The following DST variants were observed in gnomAD, a reference collection of about 807,000 sequenced individuals.
The protein encoded by DST is bullous pemphigoid antigen.
In DST, 253 loss-of-function variants were observed where a neutral mutation model predicts 875.2. The observed-to-expected ratio is 0.29, with a 90% CI of 0.26 to 0.32. The LOEUF (loss-of-function observed/expected upper bound fraction) is 0.32. Among genes scored for constraint, DST ranks in the 10% least tolerant of loss-of-function variants. The pLI is 1.00. For missense variants in DST, 8,287 were observed against 9,111.6 expected, an observed-to-expected ratio of 0.91 and a Z score of 3.68; for synonymous variants, 3,124 against 3,197.1, an observed-to-expected ratio of 0.98 and a Z score of 0.77.
At chr6:56,637,212 C>A (rs1302078109) in intron 22 of DST, among the ~76,000 whole-genome samples, 1 of 152,108 alleles carries the variant, frequency 6.6e-6, no homozygotes, top group Non-Finnish European at 1.5e-5. Context: ...TCTTAAACCA[C>A]TCCAGTTGAT....
At chr6:56,700,231 A>G (rs889082546) in intron 8 of DST, among the ~76,000 whole-genome samples, 5 of 151,340 alleles carry the variant, frequency 3.3e-5, no homozygotes, top group Admixed American at 3.3e-4. Flanking sequence ...AACAACCCCC[A>G]CTCCTCCCAC....
At chr6:56,615,741 T>C in intron 36 of DST, 2 of 1,614,194 alleles carry the variant, frequency 1.2e-6, no homozygotes, top group East Asian at 4.5e-5. Context: ...GCCTCTTCTA[T>C]TGATAACCGA....
chr6:56,787,772 TATA>T (rs1271465888), intron 4 of DST, among the ~76,000 whole-genome samples: 1 of 152,202 alleles, frequency 6.6e-6, no homozygotes, highest in African/African-American at 2.4e-5. Flanking sequence ...ATGAAAGTAC[TATA>T]ATGTTAACTT....
intron 65 of DST, 33 bp downstream of exon 65, chr6:56,529,941 C>T: frequency 6.2e-7 from 1 of 1,608,298 alleles, no homozygotes; most frequent in Non-Finnish European, 8.5e-7. Context: ...ACAATAAAAA[C>T]TGAACCTCGC....
intron 78 of DST, among the ~76,000 whole-genome samples, chr6:56,503,590 TACATACAC>T (rs1405913430): frequency 5.2e-4 from 25 of 48,420 alleles, no homozygotes; most frequent in African/African-American, 2.1e-3. Flanking sequence ...TCTCTACCTA[TACATACAC>T]ACACACACAC....
intron 99 of DST, 69 bp downstream of exon 99, chr6:56,466,009 G>C: frequency 7.8e-7 from 1 of 1,276,544 alleles, no homozygotes; most frequent in Non-Finnish European, 1.1e-6. Context: ...TGCCCAGTAT[G>C]TTTTGGTGCT....
chr6:56,508,416 T>C, intron 75 of DST, 113 bp downstream of exon 75: 1 of 877,860 alleles, frequency 1.1e-6, no homozygotes, highest in Non-Finnish European at 1.8e-6. Context: ...ACATTCCATT[T>C]TCAGAACCAA....
intron 9 of DST, among the ~76,000 whole-genome samples, chr6:56,682,750 G>A (rs1014395079): frequency 3.3e-5 from 5 of 152,248 alleles, no homozygotes; most frequent in East Asian, 1.9e-4. Context: ...GTAAAACAAC[G>A]TAAGTTTTGT....
In DST at chr6:56,631,256, T is replaced by C; in HGVS notation, c.4097A>G (p.Gln1366Arg). 1 of 1,613,982 alleles carries C rather than the reference T, an allele frequency of 6.2e-7. No individual in the cohort carries two copies. The highest frequency in any genetic ancestry group is 1.1e-5 in the South Asian group (1 of 91,050). The change falls in exon 30 of 104, where the codon CAG becomes CGG. Residue 1366 changes from glutamine (Q) to arginine (R), a missense_variant. Physicochemically the swap from Gln to Arg is conservative, Grantham distance 43. Transcript: ENST00000680361. ...TLRSELNVVLQNMNQVYSMSS... is the reference protein window; with the variant it reads ...TLRSELNVVLRNMNQVYSMSS... ...CATAGAATAGACTTGGTTCATGTTC[T>C]GAAGGACCACATTAAGCTCTGATCG...
At chr6:56,528,323 G>C (rs1195131219) in intron 67 of DST, among the ~76,000 whole-genome samples, 1 of 152,150 alleles carries the variant, frequency 6.6e-6, no homozygotes, top group Non-Finnish European at 1.5e-5. Context: ...TATAGGTATA[G>C]TGAAATTCCT....
At chr6:56,828,158 G>A (rs2099783025) in intron 4 of DST, among the ~76,000 whole-genome samples, 2 of 152,192 alleles carry the variant, frequency 1.3e-5, no homozygotes. Flanking sequence ...TGATGGCTGA[G>A]GTGGTCAGTG....
chr6:56,476,570 G>A (rs536227964), intron 91 of DST, among the ~76,000 whole-genome samples: 1 of 152,300 alleles, frequency 6.6e-6, no homozygotes, highest in South Asian at 2.1e-4. Context: ...CAATCACTCA[G>A]GCTTCCTTTT....
At position 56,568,528 on chromosome 6, in the gene DST, A is replaced by G; in HGVS notation, c.13946T>C (p.Leu4649Pro). ...GGTCACAGCACTTATTAAGTTACAT[A>G]GTGAGATCCCACTGTTGTTTACTTT... ...IQKVNNSGIS[L>P]CNLISAVTTP... Residue 4649 changes from leucine to proline, a missense_variant, in exon 55 of 104, where the codon CTA becomes CCA. By Grantham distance (98) the Leu-to-Pro change is moderately conservative (BLOSUM62 -3). This residue lies in a region of DST where 1,513 missense variants were observed against 1,677.8 expected (regional missense o/e 0.90). Transcript: ENST00000680361. 6.2e-7 allele frequency: 1 copy of G among 1,612,850 alleles called. No individual in the cohort carries two copies. The highest frequency in any genetic ancestry group is 8.5e-7 in the Non-Finnish European group (1 of 1,179,332).
At chr6:56,521,073 G>GT (rs1373095372) in intron 69 of DST, among the ~76,000 whole-genome samples, 1 of 151,950 alleles carries the variant, frequency 6.6e-6, no homozygotes, top group East Asian at 1.9e-4. Flanking sequence ...AGCAATTATT[G>GT]ATCAATATGA....
chr6:56,924,132 A>C (rs979254658), intron 2 of DST, among the ~76,000 whole-genome samples: 1 of 152,004 alleles, frequency 6.6e-6, no homozygotes, highest in Middle Eastern at 3.4e-3. Context: ...TCAAAAAAAA[A>C]CCCTCCCAGA....
At chr6:56,765,481 T>C (rs1203411853) in intron 4 of DST, among the ~76,000 whole-genome samples, 1 of 152,146 alleles carries the variant, frequency 6.6e-6, no homozygotes, top group African/African-American at 2.4e-5. Flanking sequence ...TCAACCATAG[T>C]AGAAATAATG....
intron 4 of DST, among the ~76,000 whole-genome samples, chr6:56,815,409 A>T (rs1214375440): frequency 6.6e-6 from 1 of 152,114 alleles, no homozygotes; most frequent in Non-Finnish European, 1.5e-5. Context: ...ATAGGGCAGG[A>T]CAGCTTTAGT....
At chr6:56,892,202 A>T (rs555528788) in intron 3 of DST, among the ~76,000 whole-genome samples, 1 of 150,980 alleles carries the variant, frequency 6.6e-6, no homozygotes, top group Non-Finnish European at 1.5e-5. Flanking sequence ...GCCCCTAACT[A>T]TTTTTTCCAG....
intron 9 of DST, chr6:56,692,780 T>A (rs928359567): frequency 5.4e-6 from 7 of 1,289,724 alleles, no homozygotes; most frequent in Middle Eastern, 2.1e-4. Flanking sequence ...GGAGAAGTGT[T>A]CACACAGTCA....
Sources: allele counts gnomAD v4.1 joint callset (sites outside exome capture counted in the v4.1 genomes callset), GRCh38; gene constraint gnomAD v4.1.1; regional missense constraint gnomAD v4.1.1; transcripts MANE v1.5; gene names NCBI Gene and HGNC (gene_info 2026-07-23, HGNC 2026-07-21).